The following MSI1 variants were observed in gnomAD, a reference collection of about 807,000 sequenced individuals.
MSI1 encodes the protein RNA-binding protein Musashi homolog 1.
MSI1 carries 15 observed loss-of-function variants against 54.4 expected under a neutral mutation model. The observed-to-expected ratio is 0.28, with a 90% CI of 0.18 to 0.42. The LOEUF (loss-of-function observed/expected upper bound fraction) is 0.42, where lower values mean the gene tolerates loss of function less well. Ranked by LOEUF, MSI1 falls within the 20% of genes least tolerant of loss-of-function variation. The pLI is 1.00. For missense variants in MSI1, 304 were observed against 506.0 expected, an observed-to-expected ratio of 0.60 and a Z score of 3.83; for synonymous variants, 200 against 196.5, an observed-to-expected ratio of 1.02 and a Z score of -0.15.
chr12:120,363,750 T>C (rs1287456660), intron 5 of MSI1, among the ~76,000 whole-genome samples: 1 of 152,242 alleles, frequency 6.6e-6, no homozygotes, highest in Non-Finnish European at 1.5e-5. Context: ...TTCGAATACC[T>C]GCTCCATAAT....
At chr12:120,349,802 T>C (rs1874440312) in intron 11 of MSI1, among the ~76,000 whole-genome samples, 1 of 152,246 alleles carries the variant, frequency 6.6e-6, no homozygotes, top group African/African-American at 2.4e-5. Context: ...TCTTCTGTCA[T>C]TTCTTTAAGG....
In MSI1 at chr12:120,369,091, TCGGGAGCCG is replaced by T; in HGVS notation, c.-9_-1del. 9.8e-7 allele frequency: 1 copy of T among 1,016,880 alleles called. No individual in the cohort carries two copies. Among genetic ancestry groups the T allele is most frequent in the African/African-American group, 1.8e-5 (1 of 57,082 alleles). The allele number at this position is 1,016,880 out of a possible 1,614,324, so 63.0% of individuals were successfully genotyped here. A position where few individuals can be genotyped will look rare whatever the true frequency, so the allele number is the denominator to read the frequency against. On this transcript the variant is annotated 5_prime_UTR_variant, in exon 1 of 15. Transcript: ENST00000257552. ...CCGGGCTGGGGCGCGTCAGTCTCCATCGGGAGCCGCGGGCGGCGCGGGCAGCGGAGCGGC... is the reference window on the plus strand; with the variant it reads ...CCGGGCTGGGGCGCGTCAGTCTCCATCGGGCGGCGCGGGCAGCGGAGCGGC...
In MSI1 at chr12:120,368,701, C is replaced by A. The variant is rs1257415855; in HGVS notation, c.100+132G>T. On this transcript the variant is annotated intron_variant, in intron 2 of 14. Transcript: ENST00000257552. The surrounding 1 kb of genome is among the most constrained non-coding windows in gnomAD (Gnocchi z 6.6). Reference sequence around the variant, plus strand: ...GCCCTGCGCTCTCGGGGTCTCCGGGCGGGGCGCGAAAGAGGGCGCGAGGGC... The same window carrying A: ...GCCCTGCGCTCTCGGGGTCTCCGGGAGGGGCGCGAAAGAGGGCGCGAGGGC... The A allele has an allele frequency of 6.2e-6, 5 of 809,976 alleles. No homozygotes were observed. The highest frequency in any genetic ancestry group is 4.1e-5 in the East Asian group (1 of 24,400). 50.2% of individuals were successfully genotyped at this position (809,976 alleles called of 1,614,324 possible).
At chr12:120,344,384 T>C (rs1873938185) in intron 14 of MSI1, among the ~76,000 whole-genome samples, 1 of 152,164 alleles carries the variant, frequency 6.6e-6, no homozygotes. Context: ...CATATCTTGA[T>C]CAATGCTGGG....
At chr12:120,358,683 C>T (rs1409578274) in intron 7 of MSI1, among the ~76,000 whole-genome samples, 1 of 146,730 alleles carries the variant, frequency 6.8e-6, no homozygotes, top group Non-Finnish European at 1.5e-5. Context: ...TGACCCTGGG[C>T]GGCCTGGCCT....
At chr12:120,354,392 C>T (rs1241044178) in intron 9 of MSI1, among the ~76,000 whole-genome samples, 5 of 151,726 alleles carry the variant, frequency 3.3e-5, no homozygotes, top group African/African-American at 1.2e-4. Context: ...CTCCAAGCCT[C>T]TTAACCACCG....
intron 9 of MSI1, among the ~76,000 whole-genome samples, chr12:120,356,624 T>G (rs1387930256): frequency 1.3e-5 from 2 of 152,224 alleles, no homozygotes; most frequent in East Asian, 3.8e-4. Flanking sequence ...AATGGACAGA[T>G]GGAGGGATGG....
chr12:120,368,344 C>T lies in MSI1; in HGVS notation c.101-71G>A. The T allele has an allele frequency of 6.7e-7, 1 of 1,502,972 alleles. No individual in the cohort carries two copies. The highest frequency in any genetic ancestry group is 9.0e-7 in the Non-Finnish European group (1 of 1,115,814). 93.1% of individuals were successfully genotyped at this position (1,502,972 alleles called of 1,614,324 possible). ...TTCCCCCCCCCCCGTCCTTTGCCCC[C>T]GGTGACCCCGGAGCGGCCCGGCCGC... is the stretch of plus-strand genomic sequence containing the variant. On this transcript the variant is annotated intron_variant, in intron 2 of 14. Transcript: ENST00000257552. The surrounding 1 kb of genome is among the most constrained non-coding windows in gnomAD (Gnocchi z 6.6).
chr12:120,368,418 G>A lies in MSI1; in HGVS notation c.101-145C>T. The stretch of plus-strand genomic sequence containing the variant: ...TTCTCCACTGCCGCCGCCCCCCACC[G>A]CCCTCGCCCCGTTCCCGCTGAGCCT... On this transcript the variant is annotated intron_variant, in intron 2 of 14. Coordinates refer to ENST00000257552, the MANE Select transcript of MSI1 (RefSeq NM_002442.4). This position sits in a 1 kb window ranked among gnomAD's most constrained non-coding sequence, Gnocchi z 6.6. 1 of 777,898 alleles carries A rather than the reference G, an allele frequency of 1.3e-6. No homozygotes were observed. Among genetic ancestry groups the A allele is most frequent in the Non-Finnish European group, 1.8e-6 (1 of 545,346 alleles). 48.2% of individuals were successfully genotyped at this position (777,898 alleles called of 1,614,324 possible).
chr12:120,369,137 C>T lies in MSI1; in HGVS notation c.-46G>A. ...GGCAGCGGAGCGGCGGCGGCGGCGG[C>T]GGCGGCGGCGCTCGGCGCGGGGCAG... On this transcript the variant is annotated 5_prime_UTR_variant, in exon 1 of 15. Coordinates refer to ENST00000257552, the MANE Select transcript of MSI1 (RefSeq NM_002442.4). 1 of 1,000,714 alleles carries T rather than the reference C, an allele frequency of 1.0e-6. No homozygotes were observed. The highest frequency in any genetic ancestry group is 1.2e-6 in the Non-Finnish European group (1 of 844,844). The allele number at this position is 1,000,714 out of a possible 1,614,324, so 62.0% of individuals were successfully genotyped here. A position where few individuals can be genotyped will look rare whatever the true frequency, so the allele number is the denominator to read the frequency against.
At chr12:120,367,172 C>T (rs1029662701) in intron 4 of MSI1, among the ~76,000 whole-genome samples, 1 of 152,000 alleles carries the variant, frequency 6.6e-6, no homozygotes, top group African/African-American at 2.4e-5. Flanking sequence ...CAGGGACTGA[C>T]CCAAGCAGAG....
At chr12:120,354,378 C>T (rs963958120) in intron 9 of MSI1, among the ~76,000 whole-genome samples, 18 of 151,716 alleles carry the variant, frequency 1.2e-4, no homozygotes, top group East Asian at 3.9e-4. Flanking sequence ...TCAGATCTGA[C>T]GGGCTCCAAG....
chr12:120,363,119 T>G lies in MSI1; in HGVS notation c.326A>C (p.Lys109Thr). The G allele has an allele frequency of 6.2e-7, 1 of 1,613,964 alleles. No homozygotes were observed. The highest frequency in any genetic ancestry group is 8.5e-7 in the Non-Finnish European group (1 of 1,179,954). Reference sequence around the variant, plus strand: ...CGACAGCCCCCCCACAAAGATCTTCTTCGTTCGAGTCACCATCTGTTAGGG... The same window carrying G: ...CGACAGCCCCCCCACAAAGATCTTCGTCGTTCGAGTCACCATCTGTTAGGG... ...RAQPKMVTRT[K>T]KIFVGGLSVN... Residue 109 changes from lysine to threonine, a missense_variant, in exon 6 of 15, where the codon AAG (lysine) becomes ACG (threonine). This residue lies in a region of MSI1 where 105 missense variants were observed against 230.1 expected (regional missense o/e 0.46). Coordinates refer to ENST00000257552, the MANE Select transcript of MSI1 (RefSeq NM_002442.4).
In MSI1 at chr12:120,347,965, G is replaced by A. The variant is rs956756080; in HGVS notation, c.791-451C>T. ...GACACCTGGCGATAGACAGACATGG[G>A]ACAGGCCCCCAGGCCTGCTGCCCCC... is the stretch of plus-strand genomic sequence containing the variant. On this transcript the variant is annotated intron_variant, in intron 11 of 14. Coordinates refer to ENST00000257552, the MANE Select transcript of MSI1 (RefSeq NM_002442.4). Among the ~76,000 whole-genome samples, 3 of 152,134 alleles carry A rather than the reference G, an allele frequency of 2.0e-5. No homozygotes were observed. In the East Asian group the frequency reaches 5.8e-4, roughly 29 times the overall value.
chr12:120,362,983 G>A, intron 6 of MSI1, 60 bp downstream of exon 6: 1 of 1,399,730 alleles, frequency 7.1e-7, no homozygotes, highest in Non-Finnish European at 1.0e-6. Context: ...CGGCTTGCTA[G>A]TGCCCCATTC....
chr12:120,355,030 C>CAAAAAAA (rs71076610), intron 9 of MSI1, among the ~76,000 whole-genome samples: 1 of 44,116 alleles, frequency 2.3e-5, no homozygotes, highest in Non-Finnish European at 3.8e-5. Context: ...CCGTCTCTAC[C>CAAAAAAA]AAAAAAAAAA....
chr12:120,361,228 A>C (rs1194517170), intron 6 of MSI1, among the ~76,000 whole-genome samples: 1 of 151,544 alleles, frequency 6.6e-6, no homozygotes, highest in Non-Finnish European at 1.5e-5. Context: ...TGAATGAATG[A>C]ATGAATGAAT....
At chr12:120,347,296 T>C in intron 12 of MSI1, 150 bp downstream of exon 12, 1 of 1,019,042 alleles carries the variant, frequency 9.8e-7, no homozygotes, top group Non-Finnish European at 1.5e-6. Context: ...GCTGGCACGA[T>C]GCCCAGCACA....
At chr12:120,353,189 C>T in intron 10 of MSI1, 110 bp downstream of exon 10, 1 of 1,059,456 alleles carries the variant, frequency 9.4e-7, no homozygotes, top group Non-Finnish European at 1.4e-6. Context: ...CCTTCCAAGC[C>T]TCCAGCAAGC....
Sources: allele counts gnomAD v4.1 joint callset (sites outside exome capture counted in the v4.1 genomes callset), GRCh38; gene constraint gnomAD v4.1.1; regional missense constraint gnomAD v4.1.1; non-coding constraint Gnocchi (gnomAD v3.1); transcripts MANE v1.5; gene names NCBI Gene and HGNC (gene_info 2026-07-23, HGNC 2026-07-21).